HFM1: variants seen among roughly 807,000 people sequenced by gnomAD.
The protein encoded by HFM1 is helicase for meiosis 1, also known as probable ATP-dependent DNA helicase HFM1.
HFM1 carries 169 observed loss-of-function variants against 192.1 expected under a neutral mutation model. The observed-to-expected ratio is 0.88, with a 90% CI of 0.78 to 1.00. The LOEUF (loss-of-function observed/expected upper bound fraction) is 1.00. Among genes scored for constraint, HFM1 ranks in the 50% least tolerant of loss-of-function variants. HFM1 has a pLI of 0.00. For missense variants in HFM1, 1,661 were observed against 1,668.0 expected (o/e 1.00, Z 0.07); for synonymous variants, 525 against 537.8 (o/e 0.98, Z 0.33).
intron 20 of HFM1, among the ~76,000 whole-genome samples, chr1:91,340,609 T>C (rs1230846166): frequency 6.6e-6 from 1 of 152,088 alleles, no homozygotes; most frequent in Non-Finnish European, 1.5e-5. Flanking sequence ...AATATCAACC[T>C]TGAATATAAA....
At chr1:91,336,611 G>A (rs1157713371) in intron 20 of HFM1, among the ~76,000 whole-genome samples, 2 of 152,156 alleles carry the variant, frequency 1.3e-5, no homozygotes, top group Non-Finnish European at 2.9e-5. Context: ...AGATTAAAAG[G>A]AATGCTTCTA....
intron 30 of HFM1, among the ~76,000 whole-genome samples, chr1:91,306,970 T>C (rs1204256182): frequency 6.6e-6 from 1 of 152,200 alleles, no homozygotes; most frequent in East Asian, 1.9e-4. Context: ...TTTATCATTA[T>C]AAAATTGTTA....
intron 2 of HFM1, among the ~76,000 whole-genome samples, chr1:91,398,849 T>C (rs1224367278): frequency 6.6e-6 from 1 of 152,066 alleles, no homozygotes; most frequent in Non-Finnish European, 1.5e-5. Flanking sequence ...TATACCACCA[T>C]GTCTGGCTAA....
At chr1:91,358,593 C>T (rs1658056968) in intron 13 of HFM1, among the ~76,000 whole-genome samples, 1 of 152,052 alleles carries the variant, frequency 6.6e-6, no homozygotes, top group African/African-American at 2.4e-5. Flanking sequence ...ATTTCCATAT[C>T]CAAAAGAATA....
rs77817011 is a variant in HFM1, at chr1:91,352,090, A to G, written c.1977+416T>C. ...AGGGTATGTTTTGAAATGTATTTGGACTTTTGTCATAATTCCTGGGAACAC... is the reference window on the plus strand; with the variant it reads ...AGGGTATGTTTTGAAATGTATTTGGGCTTTTGTCATAATTCCTGGGAACAC... On this transcript the variant is annotated intron_variant, in intron 16 of 38. Transcript: ENST00000370425. Among the ~76,000 whole-genome samples, 863 of 151,944 alleles carry G rather than the reference A, an allele frequency of 5.7e-3. 4 individuals carry two copies. Among genetic ancestry groups the G allele is most frequent in the Admixed American group, 0.01 (153 of 15,242 alleles).
intron 36 of HFM1, among the ~76,000 whole-genome samples, chr1:91,265,443 T>C (rs1665668374): frequency 6.6e-6 from 1 of 152,216 alleles, no homozygotes; most frequent in Non-Finnish European, 1.5e-5. Context: ...GAGTAGTGGC[T>C]GCTCCCTTTA....
intron 30 of HFM1, among the ~76,000 whole-genome samples, chr1:91,295,044 C>A (rs898053799): frequency 1.4e-4 from 22 of 152,196 alleles, no homozygotes; most frequent in African/African-American, 5.3e-4. Flanking sequence ...TTTTCTTTTT[C>A]ACTTAAGTCC....
chr1:91,289,691 C>G (rs1668488457), intron 30 of HFM1, among the ~76,000 whole-genome samples: 1 of 152,116 alleles, frequency 6.6e-6, no homozygotes, highest in East Asian at 1.9e-4. Context: ...GAAACCCCGT[C>G]TCTACCAAAA....
intron 28 of HFM1, 50 bp from the exon 29 acceptor site, chr1:91,314,110 A>G (rs371537954): frequency 6.3e-6 from 7 of 1,112,660 alleles, no homozygotes; most frequent in South Asian, 1.4e-5. Flanking sequence ...AATGAAATAC[A>G]TATTAATCTT....
chr1:91,341,327 A>C (rs539972284), intron 20 of HFM1, among the ~76,000 whole-genome samples: 2 of 152,338 alleles, frequency 1.3e-5, no homozygotes, highest in South Asian at 4.1e-4. Context: ...CATGCTTCTG[A>C]AAGACTTTTC....
intron 20 of HFM1, among the ~76,000 whole-genome samples, chr1:91,337,777 T>C (rs1471701718): frequency 2.0e-5 from 3 of 152,196 alleles, no homozygotes; most frequent in Non-Finnish European, 4.4e-5. Context: ...TGAAGATGAC[T>C]GTGTGCAAAG....
Position 91,328,297 on chromosome 1 carries a change from C to T in HFM1, c.2336-3531G>A, listed in dbSNP as rs146966012. 629 of 1,199,814 alleles carry T rather than the reference C, an allele frequency of 5.2e-4. 4 individuals carry two copies. The highest frequency in any genetic ancestry group is 4.8e-3 in the Middle Eastern group (17 of 3,522). 74.3% of individuals were successfully genotyped at this position (1,199,814 alleles called of 1,614,324 possible). ...TGAGGGGGGAAAGTGGGCTTAGGAC[C>T]GCCTGCCCAGGGCAACCCTGAATCA... On this transcript the variant is annotated intron_variant, in intron 20 of 38. Coordinates refer to ENST00000370425, the MANE Select transcript of HFM1 (RefSeq NM_001017975.6).
chr1:91,294,138 A>G (rs1048960882), intron 30 of HFM1, among the ~76,000 whole-genome samples: 17 of 151,916 alleles, frequency 1.1e-4, no homozygotes, highest in African/African-American at 4.1e-4. Flanking sequence ...AGCATGGCAC[A>G]TGTATACATA....
At chr1:91,288,035 G>T (rs974715983) in intron 30 of HFM1, among the ~76,000 whole-genome samples, 1 of 151,976 alleles carries the variant, frequency 6.6e-6, no homozygotes, top group African/African-American at 2.4e-5. Context: ...ATCTACGTCT[G>T]ATTGGTGTAC....
chr1:91,342,960 G>A (rs1655565007), intron 20 of HFM1, among the ~76,000 whole-genome samples: 2 of 152,072 alleles, frequency 1.3e-5, no homozygotes, highest in African/African-American at 4.8e-5. Flanking sequence ...AGGCACGGTG[G>A]CTCAAGCCTG....
intron 30 of HFM1, 28 bp from the exon 31 acceptor site, chr1:91,277,090 A>G: frequency 4.3e-6 from 5 of 1,165,756 alleles, no homozygotes; most frequent in Non-Finnish European, 5.0e-6. Flanking sequence ...AAACAAATCC[A>G]TTTGTCACTA....
At chr1:91,282,029 A>G (rs2100829868) in intron 30 of HFM1, among the ~76,000 whole-genome samples, 1 of 152,350 alleles carries the variant, frequency 6.6e-6, no homozygotes, top group African/African-American at 2.4e-5. Context: ...TATTGCAATT[A>G]GCTTTATTTG....
At chr1:91,404,148 G>A (rs1664605789) in intron 1 of HFM1, among the ~76,000 whole-genome samples, 1 of 152,200 alleles carries the variant, frequency 6.6e-6, no homozygotes. Context: ...CTCGGCCTGG[G>A]AAAGGACCAT....
chr1:91,404,776 G>C (rs1247466272), intron 1 of HFM1, 22 bp downstream of exon 1: 1 of 443,794 alleles, frequency 2.3e-6, no homozygotes, highest in Non-Finnish European at 4.5e-6. Flanking sequence ...TTCCCCGCGG[G>C]CGTCCGGGCC....
Sources: gnomAD v4.1 joint callset for allele counts (sites outside exome capture counted in the v4.1 genomes callset) on GRCh38, gnomAD v4.1.1 for gene constraint, MANE v1.5 for transcripts, NCBI Gene and HGNC (gene_info 2026-07-23, HGNC 2026-07-21) for gene names.